VTI1A: variants seen among roughly 807,000 people sequenced by gnomAD.
VTI1A encodes the protein vesicle transport through interaction with t-SNAREs 1A.
In VTI1A, 22 loss-of-function variants were observed where a neutral mutation model predicts 34.9. The ratio of observed to expected loss-of-function variants is 0.63; its 90% CI spans 0.45 to 0.90. The LOEUF (loss-of-function observed/expected upper bound fraction) is 0.90, where lower values mean the gene tolerates loss of function less well. Among genes scored for constraint, VTI1A ranks in the 40% least tolerant of loss-of-function variants. The probability of loss-of-function intolerance (pLI) is 0.00; values close to 1 mark genes in which losing one functional copy is unlikely to be tolerated. For synonymous variants in VTI1A, 87 were observed against 97.3 expected (o/e 0.89, Z 0.62); for missense variants, 268 against 275.6 (o/e 0.97, Z 0.20).
At chr10:112,753,929 G>A (rs1030095696) in intron 7 of VTI1A, among the ~76,000 whole-genome samples, 1 of 152,134 alleles carries the variant, frequency 6.6e-6, no homozygotes, top group African/African-American at 2.4e-5. Flanking sequence ...CCACCATCAA[G>A]TCTAAAACTG....
intron 7 of VTI1A, among the ~76,000 whole-genome samples, chr10:112,691,078 G>A (rs1024380278): frequency 6.6e-6 from 1 of 151,952 alleles, no homozygotes; most frequent in African/African-American, 2.4e-5. Context: ...GAACAGGCTG[G>A]CGAAACCCCG....
intron 3 of VTI1A, among the ~76,000 whole-genome samples, chr10:112,509,100 C>A (rs1849528351): frequency 6.6e-6 from 1 of 152,204 alleles, no homozygotes; most frequent in Admixed American, 6.5e-5. Context: ...CAGAGGCAAA[C>A]ACAGTTTTGT....
intron 7 of VTI1A, among the ~76,000 whole-genome samples, chr10:112,797,908 A>G (rs1437985430): frequency 6.6e-6 from 1 of 152,246 alleles, no homozygotes; most frequent in Non-Finnish European, 1.5e-5. Flanking sequence ...GCGTTCTGGC[A>G]GCTGACTTGG....
At chr10:112,659,616 T>C (rs997595851) in intron 5 of VTI1A, among the ~76,000 whole-genome samples, 14 of 152,172 alleles carry the variant, frequency 9.2e-5, no homozygotes, top group African/African-American at 3.1e-4. Context: ...TAATGATAGA[T>C]TTGATCATCT....
rs1847209020 is a variant in VTI1A, at chr10:112,450,789, CT to C, written c.94+3323del. 2.0e-5 allele frequency: 3 copies of C among 152,238 alleles called. No homozygotes were observed. In the East Asian group the frequency reaches 5.8e-4, roughly 29 times the overall value. The allele number at this position is 152,238 out of a possible 1,614,324, so 9.4% of individuals were successfully genotyped here. On this transcript the variant is annotated intron_variant, in intron 1 of 7. Coordinates refer to ENST00000393077, the MANE Select transcript of VTI1A (RefSeq NM_145206.4). ...GATGGGTGAGTTCTTTCTTAATACC[CT>C]ATGGCACTATATTTGAACATTGTTT...
intron 7 of VTI1A, among the ~76,000 whole-genome samples, chr10:112,697,804 TAAC>T (rs1848848500): frequency 6.6e-6 from 1 of 151,968 alleles, no homozygotes; most frequent in Admixed American, 6.6e-5. Context: ...CTTTGTTCCA[TAAC>T]AAGAAGATAA....
At chr10:112,503,150 G>A (rs1464131428) in intron 3 of VTI1A, among the ~76,000 whole-genome samples, 3 of 152,080 alleles carry the variant, frequency 2.0e-5, no homozygotes, top group African/African-American at 7.2e-5. Context: ...GTATTGAAAT[G>A]TACAGTAGAT....
intron 7 of VTI1A, among the ~76,000 whole-genome samples, chr10:112,703,424 A>C (rs1291724382): frequency 2.0e-5 from 3 of 152,078 alleles, no homozygotes; most frequent in Non-Finnish European, 4.4e-5. Flanking sequence ...AAAATTAGCC[A>C]GGCATGGTGG....
intron 5 of VTI1A, among the ~76,000 whole-genome samples, chr10:112,590,674 C>G (rs1844355805): frequency 6.6e-6 from 1 of 150,624 alleles, no homozygotes; most frequent in Non-Finnish European, 1.5e-5. Context: ...AGAGCGAGAC[C>G]CTGTCTAAAC....
At chr10:112,515,517 GT>G (rs1323238955) in intron 3 of VTI1A, among the ~76,000 whole-genome samples, 1 of 151,962 alleles carries the variant, frequency 6.6e-6, no homozygotes, top group Non-Finnish European at 1.5e-5. Context: ...GTTTTTGCTT[GT>G]TCTTTATGGA....
intron 4 of VTI1A, among the ~76,000 whole-genome samples, chr10:112,530,096 C>A (rs1053567413): frequency 6.6e-6 from 1 of 152,014 alleles, no homozygotes; most frequent in Non-Finnish European, 1.5e-5. Flanking sequence ...TCATACAATA[C>A]CCTTTGCATT....
At chr10:112,793,269 T>C (rs1347415211) in intron 7 of VTI1A, among the ~76,000 whole-genome samples, 1 of 152,212 alleles carries the variant, frequency 6.6e-6, no homozygotes, top group Non-Finnish European at 1.5e-5. Flanking sequence ...CCCAGATTTG[T>C]GCTGTTTGTG....
intron 3 of VTI1A, among the ~76,000 whole-genome samples, chr10:112,498,834 T>TA (rs1849121203): frequency 6.6e-6 from 1 of 152,312 alleles, no homozygotes; most frequent in Admixed American, 6.5e-5. Context: ...CTTCAAGTGG[T>TA]AGGTGCTCTA....
intron 7 of VTI1A, among the ~76,000 whole-genome samples, chr10:112,733,639 C>T (rs2133962761): frequency 6.6e-6 from 1 of 152,282 alleles, no homozygotes; most frequent in East Asian, 1.9e-4. Flanking sequence ...GCTGGGTCCT[C>T]TCCCTTCTCT....
chr10:112,498,183 C>T (rs1849093863), intron 3 of VTI1A, among the ~76,000 whole-genome samples: 1 of 152,134 alleles, frequency 6.6e-6, no homozygotes, highest in South Asian at 2.1e-4. Context: ...AGCAGCCAGC[C>T]AGGTTTATAC....
chr10:112,456,312 C>G (rs1438541933), intron 1 of VTI1A, among the ~76,000 whole-genome samples: 2 of 151,238 alleles, frequency 1.3e-5, no homozygotes, highest in East Asian at 3.9e-4. Flanking sequence ...GTCCTAGCTA[C>G]TCGGGAGGCT....
Position 112,447,394 on chromosome 10 carries a change from T to C in VTI1A, c.21T>C (p.Gly7=), listed in dbSNP as rs1489388136. 6.2e-7 allele frequency: 1 copy of C among 1,613,484 alleles called. No individual in the cohort carries two copies. Among genetic ancestry groups the C allele is most frequent in the African/African-American group, 1.3e-5 (1 of 74,880 alleles). MSSDFE[G]YEQDFAVLTA... is the part of the protein sequence containing the mutation. ...CCGCCATGTCGTCCGACTTCGAAGGTTACGAGCAGGACTTCGCGGTGCTCA... is the reference window on the plus strand; with the variant it reads ...CCGCCATGTCGTCCGACTTCGAAGGCTACGAGCAGGACTTCGCGGTGCTCA... The change falls in exon 1 of 8, where the codon GGT becomes GGC. Residue 7 remains glycine, a synonymous_variant. Transcript: ENST00000393077.
chr10:112,704,923 T>C (rs1233308211), intron 7 of VTI1A, among the ~76,000 whole-genome samples: 2 of 152,172 alleles, frequency 1.3e-5, no homozygotes, highest in Non-Finnish European at 2.9e-5. Context: ...GGTCTCGCTC[T>C]GTCGACCCAG....
chr10:112,550,327 G>T (rs1851300098), intron 5 of VTI1A, among the ~76,000 whole-genome samples: 1 of 149,224 alleles, frequency 6.7e-6, no homozygotes. Context: ...TTCCCTTTGA[G>T]TCTGACTTCT....
Sources: allele counts gnomAD v4.1 joint callset (sites outside exome capture counted in the v4.1 genomes callset), GRCh38; gene constraint gnomAD v4.1.1; transcripts MANE v1.5; gene names NCBI Gene and HGNC (gene_info 2026-07-23, HGNC 2026-07-21).